Variants in VSTM4 observed in about 807,000 individuals in gnomAD.
The protein encoded by VSTM4 is V-set and transmembrane domain containing 4.
VSTM4 carries 20 observed loss-of-function variants against 36.4 expected under a neutral mutation model. The ratio of observed to expected loss-of-function variants is 0.55; its 90% CI spans 0.39 to 0.80. The LOEUF (loss-of-function observed/expected upper bound fraction) is 0.80. Among genes scored for constraint, VSTM4 ranks in the 30% least tolerant of loss-of-function variants. The probability of loss-of-function intolerance (pLI) is 0.00; values close to 1 mark genes in which losing one functional copy is unlikely to be tolerated. For missense variants in VSTM4, 392 were observed against 404.5 expected, an observed-to-expected ratio of 0.97 and a Z score of 0.26; for synonymous variants, 182 against 173.9, an observed-to-expected ratio of 1.05 and a Z score of -0.37.
chr10:49,035,579 A>T (rs1843415371), intron 7 of VSTM4, among the ~76,000 whole-genome samples: 1 of 144,160 alleles, frequency 6.9e-6, no homozygotes, highest in Non-Finnish European at 1.5e-5. Context: ...CACACCTGTA[A>T]TCCTAGCACT....
rs144896872 is a variant in VSTM4, at chr10:49,050,438, C to A, written c.669-1854G>T. 2.0e-5 allele frequency among the ~76,000 whole-genome samples: 3 copies of A among 152,038 alleles called. No individual in the cohort carries two copies. In the East Asian group the frequency reaches 5.8e-4, roughly 29 times the overall value. ...AGAGATAGGCTATTCTAATAATAGT[C>A]CTAGATATATAAAAATAAGTAAAAA... On this transcript the variant is annotated intron_variant, in intron 5 of 7. Coordinates refer to ENST00000332853, the MANE Select transcript of VSTM4 (RefSeq NM_001031746.5).
At chr10:49,057,311 C>G (rs1338644489) in intron 5 of VSTM4, among the ~76,000 whole-genome samples, 1 of 152,184 alleles carries the variant, frequency 6.6e-6, no homozygotes, top group Non-Finnish European at 1.5e-5. Flanking sequence ...CTGAGGAAAC[C>G]AACTGTGCCT....
intron 4 of VSTM4, among the ~76,000 whole-genome samples, chr10:49,066,690 T>C (rs1052106457): frequency 7.2e-5 from 11 of 152,176 alleles, no homozygotes; most frequent in Admixed American, 2.0e-4. Context: ...TTGCTTTTTA[T>C]GGCTATTATG....
At chr10:49,092,495 A>T (rs1186990997) in intron 2 of VSTM4, among the ~76,000 whole-genome samples, 4 of 152,216 alleles carry the variant, frequency 2.6e-5, no homozygotes, top group African/African-American at 9.6e-5. Flanking sequence ...CAAGAGTAAT[A>T]AGGATAAGGA....
chr10:49,114,989 G>A (rs1404961101), intron 1 of VSTM4, among the ~76,000 whole-genome samples: 5 of 152,128 alleles, frequency 3.3e-5, no homozygotes, highest in African/African-American at 1.2e-4. Flanking sequence ...AGATCCAGCC[G>A]CTCCTGACTT....
At chr10:49,041,893 T>C (rs1028428984) in intron 7 of VSTM4, among the ~76,000 whole-genome samples, 2 of 152,212 alleles carry the variant, frequency 1.3e-5, no homozygotes, top group Non-Finnish European at 2.9e-5. Flanking sequence ...CAATAAAACT[T>C]CAATATATAG....
intron 1 of VSTM4, among the ~76,000 whole-genome samples, chr10:49,109,681 A>T: frequency 6.6e-6 from 1 of 152,198 alleles, no homozygotes; most frequent in East Asian, 1.9e-4. Flanking sequence ...CAGAAGAAAA[A>T]GGGTTAAGGC....
intron 3 of VSTM4, among the ~76,000 whole-genome samples, chr10:49,083,103 C>T (rs1461374919): frequency 3.3e-5 from 5 of 152,246 alleles, no homozygotes; most frequent in Non-Finnish European, 7.3e-5. Flanking sequence ...CTCTCCCCTG[C>T]TTTCTGAATC....
At chr10:49,092,989 C>T (rs533154556) in intron 2 of VSTM4, among the ~76,000 whole-genome samples, 5 of 152,124 alleles carry the variant, frequency 3.3e-5, no homozygotes, top group Non-Finnish European at 7.4e-5. Context: ...AGGGGAAAAC[C>T]GTCTCCCTTC....
chr10:49,100,326 C>T (rs988968777), intron 2 of VSTM4, among the ~76,000 whole-genome samples: 3 of 152,134 alleles, frequency 2.0e-5, no homozygotes, highest in Non-Finnish European at 1.5e-5. Context: ...TAATGAGATA[C>T]TAATTCATAG....
intron 7 of VSTM4, among the ~76,000 whole-genome samples, chr10:49,040,607 C>T (rs1843506225): frequency 6.8e-6 from 1 of 146,772 alleles, no homozygotes. Flanking sequence ...TTCTTTTGTC[C>T]TACTATTTTT....
chr10:49,078,351 C>T (rs1373678068), intron 3 of VSTM4, among the ~76,000 whole-genome samples: 1 of 152,164 alleles, frequency 6.6e-6, no homozygotes, highest in Non-Finnish European at 1.5e-5. Context: ...ACATGGAAAA[C>T]TGTACATGTA....
At chr10:49,088,413 C>T (rs188080081) in intron 2 of VSTM4, among the ~76,000 whole-genome samples, 6 of 152,292 alleles carry the variant, frequency 3.9e-5, no homozygotes, top group African/African-American at 1.4e-4. Context: ...TCCATCACAC[C>T]CAACCTCCTT....
At chr10:49,104,056 T>C (rs1409662049) in intron 2 of VSTM4, among the ~76,000 whole-genome samples, 1 of 152,154 alleles carries the variant, frequency 6.6e-6, no homozygotes, top group Admixed American at 6.5e-5. Flanking sequence ...CTCAGCACTT[T>C]GGGAGGCCGA....
chr10:49,037,308 A>G (rs904900248), intron 7 of VSTM4, among the ~76,000 whole-genome samples: 1 of 152,106 alleles, frequency 6.6e-6, no homozygotes, highest in Non-Finnish European at 1.5e-5. Context: ...CACTTCTCAA[A>G]CTTTACTGTT....
intron 3 of VSTM4, among the ~76,000 whole-genome samples, chr10:49,082,414 A>C (rs1844294521): frequency 6.6e-6 from 1 of 152,232 alleles, no homozygotes; most frequent in South Asian, 2.1e-4. Context: ...CTGTAATCCT[A>C]ACACTGTGGG....
intron 2 of VSTM4, chr10:49,103,721 G>A: frequency 6.2e-7 from 1 of 1,611,554 alleles, no homozygotes. Context: ...TCCAGTGAAA[G>A]ACAAGCAATT....
At position 49,077,090 on chromosome 10, in the gene VSTM4, A is replaced by G. The variant is rs574235550; in HGVS notation, c.634+129T>C. 2.9e-4 allele frequency: 255 copies of G among 889,398 alleles called. No individual in the cohort carries two copies. The African/African-American group carries it at 3.7e-3, about 13-fold the overall frequency. 55.1% of individuals were successfully genotyped at this position (889,398 alleles called of 1,614,324 possible). On this transcript the variant is annotated intron_variant, in intron 4 of 7. Transcript: ENST00000332853. ...AACACAGCTTGCTCACTTTGCCCACAGTCACAGGTAAATAATCCCTGACTC... is the reference window on the plus strand; with the variant it reads ...AACACAGCTTGCTCACTTTGCCCACGGTCACAGGTAAATAATCCCTGACTC...
intron 3 of VSTM4, among the ~76,000 whole-genome samples, chr10:49,079,210 A>G (rs1844235463): frequency 6.6e-6 from 1 of 151,856 alleles, no homozygotes; most frequent in African/African-American, 2.4e-5. Flanking sequence ...TCATGTACAT[A>G]CATCTCTTTT....
Sources: gnomAD v4.1 joint callset for allele counts (sites outside exome capture counted in the v4.1 genomes callset) on GRCh38, gnomAD v4.1.1 for gene constraint, MANE v1.5 for transcripts, NCBI Gene and HGNC (gene_info 2026-07-23, HGNC 2026-07-21) for gene names.